Variants in CACNA2D1 observed in about 807,000 individuals in gnomAD.
The protein encoded by CACNA2D1 is voltage-dependent calcium channel subunit alpha-2/delta-1.
A neutral mutation model predicts 171.5 loss-of-function variants in CACNA2D1; 53 were observed. The observed-to-expected ratio is 0.31, with a 90% CI of 0.25 to 0.39. CACNA2D1 has a LOEUF of 0.39. Among genes scored for constraint, CACNA2D1 ranks in the 10% least tolerant of loss-of-function variants. The pLI is 1.00. For synonymous variants in CACNA2D1, 442 were observed against 443.1 expected, an observed-to-expected ratio of 1.00 and a Z score of 0.03; for missense variants, 903 against 1,299.8, an observed-to-expected ratio of 0.69 and a Z score of 4.69.
chr7:82,379,261 T>C (rs1823406566), intron 1 of CACNA2D1, among the ~76,000 whole-genome samples: 1 of 152,284 alleles, frequency 6.6e-6, no homozygotes, highest in African/African-American at 2.4e-5. Flanking sequence ...ATCTACTGAC[T>C]GACGAATTTC....
At chr7:82,379,072 T>C (rs1037951534) in intron 1 of CACNA2D1, among the ~76,000 whole-genome samples, 1 of 152,032 alleles carries the variant, frequency 6.6e-6, no homozygotes, top group African/African-American at 2.4e-5. Flanking sequence ...TATCTGTCTC[T>C]GTTAAATTGT....
chr7:82,399,517 T>C (rs1826117940), intron 1 of CACNA2D1, among the ~76,000 whole-genome samples: 1 of 152,092 alleles, frequency 6.6e-6, no homozygotes, highest in Non-Finnish European at 1.5e-5. Context: ...TAAAACAATT[T>C]AGAAAAAAAG....
chr7:81,950,646 A>G lies in CACNA2D1; in HGVS notation c.3160-138T>C, dbSNP rs369446131. On this transcript the variant is annotated intron_variant, in intron 38 of 38. Coordinates refer to ENST00000356860, the MANE Select transcript of CACNA2D1 (RefSeq NM_000722.4). ...ACCTTATAAAACTGCTGTAATTGAA[A>G]TCCAAAGAAATTACTTTCTCCTAGA... 19 of 1,211,014 alleles carry G rather than the reference A, an allele frequency of 1.6e-5. No homozygotes were observed. The African/African-American group carries it at 2.5e-4, about 16-fold the overall frequency. 75.0% of individuals were successfully genotyped at this position (1,211,014 alleles called of 1,614,324 possible).
chr7:82,106,539 A>G (rs1787785538), intron 6 of CACNA2D1, among the ~76,000 whole-genome samples: 3 of 151,950 alleles, frequency 2.0e-5, no homozygotes, highest in Admixed American at 2.0e-4. Flanking sequence ...TTTTTTAAAC[A>G]GTAAATTTTT....
chr7:82,000,771 C>CTTTTTTTTTTTTTTTTTTTTTTTT lies in CACNA2D1; in HGVS notation c.1591-3545_1591-3522dup, dbSNP rs774565705. 5.8e-5 allele frequency among the ~76,000 whole-genome samples: 3 copies of CTTTTTTTTTTTTTTTTTTTTTTTT among 51,958 alleles called. 1 individual carries two copies. Among genetic ancestry groups the CTTTTTTTTTTTTTTTTTTTTTTTT allele is most frequent in the Non-Finnish European group, 1.1e-4 (3 of 27,694 alleles). 34.1% of individuals were successfully genotyped at this position (51,958 alleles called of 152,430 possible). A position where few individuals can be genotyped will look rare whatever the true frequency, so the allele number is the denominator to read the frequency against. On this transcript the variant is annotated intron_variant, in intron 18 of 38. Transcript: ENST00000356860. ...TACCATGCCTAACTAATTTTTCTTT[C>CTTTTTTTTTTTTTTTTTTTTTTTT]TTTTTTTTTTTTTTTTTTTTTTTTT... is the stretch of plus-strand genomic sequence containing the variant.
At chr7:82,070,469 G>A (rs117031748) in intron 7 of CACNA2D1, among the ~76,000 whole-genome samples, 1 of 152,282 alleles carries the variant, frequency 6.6e-6, no homozygotes, top group Non-Finnish European at 1.5e-5. Flanking sequence ...GAGAGTGGTA[G>A]TGCATGGATA....
In CACNA2D1 at chr7:81,982,617, G is replaced by A; in HGVS notation, c.1905C>T (p.Thr635=). 6.2e-7 allele frequency: 1 copy of A among 1,601,408 alleles called. No individual in the cohort carries two copies. The highest frequency in any genetic ancestry group is 8.6e-7 in the Non-Finnish European group (1 of 1,168,974). The change falls in exon 24 of 39, where the codon ACC becomes ACT. Residue 635 remains threonine (T), a synonymous_variant. Coordinates refer to ENST00000356860, the MANE Select transcript of CACNA2D1 (RefSeq NM_000722.4). Reference sequence around the variant, plus strand: ...ATTCTTCAAAATTATCTGGCTTCAGGGTTTCCGAATCTGCAAAGATAATGT... The same window carrying A: ...ATTCTTCAAAATTATCTGGCTTCAGAGTTTCCGAATCTGCAAAGATAATGT... ...SKKGKMKDSE[T]LKPDNFEESG... is the part of the protein sequence containing the mutation.
intron 6 of CACNA2D1, among the ~76,000 whole-genome samples, chr7:82,111,792 G>A (rs970854814): frequency 6.6e-6 from 1 of 151,608 alleles, no homozygotes; most frequent in Non-Finnish European, 1.5e-5. Context: ...TTTTATCAAG[G>A]TATAATTACA....
intron 10 of CACNA2D1, among the ~76,000 whole-genome samples, chr7:82,041,592 C>A (rs562529691): frequency 1.3e-5 from 2 of 152,270 alleles, no homozygotes; most frequent in East Asian, 3.9e-4. Context: ...ATGAATATCA[C>A]CAGTGTGAGA....
intron 3 of CACNA2D1, among the ~76,000 whole-genome samples, chr7:82,319,006 C>T (rs1815476420): frequency 6.6e-6 from 1 of 152,140 alleles, no homozygotes; most frequent in African/African-American, 2.4e-5. Flanking sequence ...AGGAGATATG[C>T]TGCCAGAAAG....
chr7:82,365,347 A>G (rs1422244635), intron 1 of CACNA2D1, among the ~76,000 whole-genome samples: 1 of 152,254 alleles, frequency 6.6e-6, no homozygotes, highest in Non-Finnish European at 1.5e-5. Context: ...CTAAAATGAC[A>G]TAACCTTTAA....
chr7:82,443,062 G>T (rs1389539939), intron 1 of CACNA2D1, among the ~76,000 whole-genome samples: 8 of 152,214 alleles, frequency 5.3e-5, no homozygotes, highest in Non-Finnish European at 1.2e-4. Context: ...GCTGCACTCT[G>T]AAGTCTAGAG....
rs1798133774 is a variant in CACNA2D1 at position 81,997,168 on chromosome 7, A to G, written c.1662+11T>C. ...CCTGAGGAATTGTTTAGTCTTACTG[A>G]TTCCACTCACCTCCACTTTAATATC... On this transcript the variant is annotated intron_variant, in intron 19 of 38. Coordinates refer to ENST00000356860, the MANE Select transcript of CACNA2D1 (RefSeq NM_000722.4). 2 of 1,511,660 alleles carry G rather than the reference A, an allele frequency of 1.3e-6. No homozygotes were observed. Among genetic ancestry groups the G allele is most frequent in the Non-Finnish European group, 1.8e-6 (2 of 1,086,622 alleles). The allele number at this position is 1,511,660 out of a possible 1,614,324, so 93.6% of individuals were successfully genotyped here.
At chr7:82,420,285 T>C (rs1828594151) in intron 1 of CACNA2D1, among the ~76,000 whole-genome samples, 1 of 152,114 alleles carries the variant, frequency 6.6e-6, no homozygotes, top group South Asian at 2.1e-4. Context: ...TAAAATAAAA[T>C]AGTCTAACAT....
At chr7:82,075,185 C>G (rs144547526) in intron 7 of CACNA2D1, among the ~76,000 whole-genome samples, 89 of 150,044 alleles carry the variant, frequency 5.9e-4, no homozygotes, top group Non-Finnish European at 1.1e-3. Flanking sequence ...TACACAGATA[C>G]ATGGTATTAC....
chr7:82,333,142 TAGAA>T (rs562925344), intron 3 of CACNA2D1, among the ~76,000 whole-genome samples: 2 of 152,170 alleles, frequency 1.3e-5, no homozygotes, highest in Non-Finnish European at 2.9e-5. Context: ...TATTTATAAA[TAGAA>T]AGACAAAATA....
At chr7:82,402,171 G>A (rs1467156428) in intron 1 of CACNA2D1, among the ~76,000 whole-genome samples, 1 of 152,176 alleles carries the variant, frequency 6.6e-6, no homozygotes, top group African/African-American at 2.4e-5. Context: ...ACATTCACAA[G>A]GAGGCTGGGA....
intron 5 of CACNA2D1, among the ~76,000 whole-genome samples, chr7:82,128,997 T>C (rs1038208983): frequency 3.9e-5 from 6 of 152,188 alleles, no homozygotes; most frequent in Non-Finnish European, 8.8e-5. Flanking sequence ...TCAAATTCAT[T>C]TTGTTTTTAG....
rs139176527 is a variant in CACNA2D1, at chr7:82,303,286, C to T, written c.294+31849G>A. 4.8e-3 allele frequency among the ~76,000 whole-genome samples: 728 copies of T among 152,122 alleles called. 18 individuals are homozygous for T. The East Asian group carries it at 0.07, about 15-fold the overall frequency. On this transcript the variant is annotated intron_variant, in intron 3 of 38. Coordinates refer to ENST00000356860, the MANE Select transcript of CACNA2D1 (RefSeq NM_000722.4). ...AAATACAAAGTGCTGTGATTACAGG[C>T]GTGAGCCACCACATCCGGCCAACAT...
Sources: allele counts gnomAD v4.1 joint callset (sites outside exome capture counted in the v4.1 genomes callset), GRCh38; gene constraint gnomAD v4.1.1; transcripts MANE v1.5; gene names NCBI Gene and HGNC (gene_info 2026-07-23, HGNC 2026-07-21).